The following SNX31 variants were observed in gnomAD, a reference collection of about 807,000 sequenced individuals.
The protein encoded by SNX31 is sorting nexin-31.
In SNX31, 58 loss-of-function variants were observed where a neutral mutation model predicts 65.4. The observed-to-expected ratio is 0.89, with a 90% CI of 0.72 to 1.10. The LOEUF (loss-of-function observed/expected upper bound fraction) is 1.10, where lower values mean the gene tolerates loss of function less well. Ranked by LOEUF, SNX31 falls within the 50% of genes least tolerant of loss-of-function variation. The probability of loss-of-function intolerance (pLI) is 0.00; values close to 1 mark genes in which losing one functional copy is unlikely to be tolerated. For missense variants in SNX31, 523 were observed against 529.7 expected, an observed-to-expected ratio of 0.99 and a Z score of 0.12; for synonymous variants, 181 against 190.1, an observed-to-expected ratio of 0.95 and a Z score of 0.39.
At chr8:100,644,283 G>A (rs1819475834) in intron 2 of SNX31, among the ~76,000 whole-genome samples, 1 of 152,144 alleles carries the variant, frequency 6.6e-6, no homozygotes, top group Admixed American at 6.5e-5. Context: ...CTGGCAGAGT[G>A]CAAAGAAACA....
intron 8 of SNX31, among the ~76,000 whole-genome samples, chr8:100,605,828 A>G (rs1816102337): frequency 6.6e-6 from 1 of 152,182 alleles, no homozygotes; most frequent in Non-Finnish European, 1.5e-5. Context: ...CTCTCATCAC[A>G]ATGAGAAGCA....
At chr8:100,581,364 G>C (rs918790308) in intron 12 of SNX31, among the ~76,000 whole-genome samples, 2 of 132,556 alleles carry the variant, frequency 1.5e-5, no homozygotes, top group Admixed American at 1.5e-4. Flanking sequence ...TATAATTTAA[G>C]AACTTAATAT....
rs1816770892 is a variant in SNX31 at position 100,612,176 on chromosome 8, T to C, written c.524-89A>G. ...TTTCAAATGAGAAAATAAAACCTTA[T>C]TATTGGAAATAATAAAATCACAGTA... On this transcript the variant is annotated intron_variant, in intron 6 of 13. Transcript: ENST00000311812. The surrounding 1 kb of genome is among the most constrained non-coding windows in gnomAD (Gnocchi z 4.3). 7.8e-6 allele frequency: 6 copies of C among 768,694 alleles called. No individual in the cohort carries two copies. Among genetic ancestry groups the C allele is most frequent in the Non-Finnish European group, 1.1e-5 (5 of 456,136 alleles). 47.6% of individuals were successfully genotyped at this position (768,694 alleles called of 1,614,324 possible).
At chr8:100,634,606 G>A (rs967504566) in intron 3 of SNX31, among the ~76,000 whole-genome samples, 1 of 151,646 alleles carries the variant, frequency 6.6e-6, no homozygotes. Context: ...AAAATTAGCT[G>A]AGCATGGTGG....
At chr8:100,586,060 A>C (rs912438221) in intron 11 of SNX31, among the ~76,000 whole-genome samples, 7 of 152,134 alleles carry the variant, frequency 4.6e-5, no homozygotes, top group Non-Finnish European at 8.8e-5. Flanking sequence ...AGCTGGGATT[A>C]CAGGTGCCTG....
chr8:100,608,607 C>T (rs769677435), intron 7 of SNX31, 44 bp from the exon 8 acceptor site: 3 of 1,591,620 alleles, frequency 1.9e-6, no homozygotes, highest in South Asian at 2.2e-5. Flanking sequence ...TGACATGGCC[C>T]ATGGGCACAC....
chr8:100,633,130 T>C (rs1818520224), intron 3 of SNX31, among the ~76,000 whole-genome samples: 1 of 151,870 alleles, frequency 6.6e-6, no homozygotes. Context: ...GGTCTTGTTA[T>C]ATTGCCCAGG....
chr8:100,633,825 G>A (rs959506776), intron 3 of SNX31, among the ~76,000 whole-genome samples: 3 of 152,126 alleles, frequency 2.0e-5, no homozygotes, highest in Admixed American at 6.5e-5. Context: ...TCTGGGTGGC[G>A]TATACAGAAA....
At position 100,576,930 on chromosome 8, in the gene SNX31, T is replaced by C; in HGVS notation, c.1227+89A>G. 2 of 1,066,292 alleles carry C rather than the reference T, an allele frequency of 1.9e-6. No homozygotes were observed. Among genetic ancestry groups the C allele is most frequent in the Non-Finnish European group, 2.8e-6 (2 of 714,864 alleles). The allele number at this position is 1,066,292 out of a possible 1,614,324, so 66.1% of individuals were successfully genotyped here. A position where few individuals can be genotyped will look rare whatever the true frequency, so the allele number is the denominator to read the frequency against. ...TGAGAAACATAATTCTGACTTATTA[T>C]TGAAAGTGAGATGACTTTGGTTAAA... On this transcript the variant is annotated intron_variant, in intron 13 of 13. Transcript: ENST00000311812. The surrounding 1 kb of genome is among the most constrained non-coding windows in gnomAD (Gnocchi z 4.8).
intron 3 of SNX31, among the ~76,000 whole-genome samples, chr8:100,632,405 CA>C (rs925163078): frequency 3.3e-5 from 5 of 150,072 alleles, no homozygotes; most frequent in Non-Finnish European, 5.9e-5. Flanking sequence ...GGTCCCATGA[CA>C]AAAAAAAATT....
rs1267874222 is a variant in SNX31 at position 100,604,644 on chromosome 8, TTGAC to T, written c.681+3846_681+3849del. ...GCCCCGCTGAAATGCAGGCCCAGAA[TTGAC>T]TGAGCCTTCAAAATGTATACTTACT... On this transcript the variant is annotated intron_variant, in intron 8 of 13. Coordinates refer to ENST00000311812, the MANE Select transcript of SNX31 (RefSeq NM_152628.4). The surrounding 1 kb of genome is among the most constrained non-coding windows in gnomAD (Gnocchi z 4.3). Among the ~76,000 whole-genome samples, 1 of 152,254 alleles carries T rather than the reference TTGAC, an allele frequency of 6.6e-6. No individual in the cohort carries two copies. Among genetic ancestry groups the T allele is most frequent in the East Asian group, 1.9e-4 (1 of 5,194 alleles).
intron 2 of SNX31, among the ~76,000 whole-genome samples, chr8:100,639,758 C>T (rs2131242618): frequency 6.6e-6 from 1 of 152,206 alleles, no homozygotes; most frequent in African/African-American, 2.4e-5. Flanking sequence ...ATATCTAGTG[C>T]CCAGATCTTA....
rs558949149 is a variant in SNX31 at position 100,576,097 on chromosome 8, G to A, written c.1227+922C>T. On this transcript the variant is annotated intron_variant, in intron 13 of 13. Transcript: ENST00000311812. The surrounding 1 kb of genome is among the most constrained non-coding windows in gnomAD (Gnocchi z 4.8). ...CAGTAAGCAGTGGAGTTCCTATCTC[G>A]TCTCTCTGTCCAACCAGCCAGAAGT... Among the ~76,000 whole-genome samples the A allele has an allele frequency of 3.6e-4, 55 of 152,258 alleles. No individual in the cohort carries two copies. Among genetic ancestry groups the A allele is most frequent in the African/African-American group, 7.2e-4 (30 of 41,550 alleles).
upstream of SNX31, among the ~76,000 whole-genome samples, chr8:100,651,953 T>C (rs1819981797): frequency 6.6e-6 from 1 of 151,820 alleles, no homozygotes; most frequent in African/African-American, 2.4e-5. Context: ...GTACCACGAC[T>C]TGACAAGCGC....
At chr8:100,627,999 T>A (rs1363369377) in intron 4 of SNX31, among the ~76,000 whole-genome samples, 1 of 152,208 alleles carries the variant, frequency 6.6e-6, no homozygotes, top group Non-Finnish European at 1.5e-5. Flanking sequence ...ATGCTCATCA[T>A]CACTGGCCAT....
At chr8:100,596,863 TGGGGG>T in intron 9 of SNX31, 21 bp from the exon 10 acceptor site, 1 of 1,610,618 alleles carries the variant, frequency 6.2e-7, no homozygotes, top group Non-Finnish European at 8.5e-7. Context: ...GAGGGTGATG[TGGGGG>T]GAGGGGAGGC....
rs1814915128 is a variant in SNX31 at position 100,594,787 on chromosome 8, C to A, written c.978+1852G>T. ...ATTACCGTACGACCCAGCAATTGCA[C>A]TTGTGGGCATTTATTCCAGAAAAAT... On this transcript the variant is annotated intron_variant, in intron 10 of 13. Coordinates refer to ENST00000311812, the MANE Select transcript of SNX31 (RefSeq NM_152628.4). The surrounding 1 kb of genome is among the most constrained non-coding windows in gnomAD (Gnocchi z 4.0). Among the ~76,000 whole-genome samples the A allele has an allele frequency of 6.6e-6, 1 of 152,210 alleles. No homozygotes were observed. The highest frequency in any genetic ancestry group is 1.5e-5 in the Non-Finnish European group (1 of 68,040).
In SNX31 at chr8:100,575,592, G is replaced by T. The variant is rs182663413; in HGVS notation, c.1227+1427C>A. Among the ~76,000 whole-genome samples the T allele has an allele frequency of 2.2e-4, 33 of 152,268 alleles. No homozygotes were observed. Among genetic ancestry groups the T allele is most frequent in the African/African-American group, 7.9e-4 (33 of 41,550 alleles). On this transcript the variant is annotated intron_variant, in intron 13 of 13. Coordinates refer to ENST00000311812, the MANE Select transcript of SNX31 (RefSeq NM_152628.4). This position sits in a 1 kb window ranked among gnomAD's most constrained non-coding sequence, Gnocchi z 5.1. ...GACAGTGGCTCTCAAACTTGAACATGCATCAGATTTGTCTGGTGGGCGTGT... is the reference window on the plus strand; with the variant it reads ...GACAGTGGCTCTCAAACTTGAACATTCATCAGATTTGTCTGGTGGGCGTGT...
chr8:100,579,886 A>C (rs1218053155), intron 12 of SNX31, among the ~76,000 whole-genome samples: 1 of 152,228 alleles, frequency 6.6e-6, no homozygotes, highest in South Asian at 2.1e-4. Context: ...CTTGCCAGGC[A>C]TGGTGGCTCA....
Sources: allele counts gnomAD v4.1 joint callset (sites outside exome capture counted in the v4.1 genomes callset), GRCh38; gene constraint gnomAD v4.1.1; non-coding constraint Gnocchi (gnomAD v3.1); transcripts MANE v1.5; gene names NCBI Gene and HGNC (gene_info 2026-07-23, HGNC 2026-07-21).